Variants in RBFOX1 observed in about 807,000 individuals in gnomAD.
RBFOX1 encodes the protein RNA binding fox-1 homolog 1, also known as RNA binding protein fox-1 homolog 1.
A neutral mutation model predicts 57.7 loss-of-function variants in RBFOX1; 8 were observed. The observed-to-expected ratio is 0.14, with a 90% CI of 0.08 to 0.25. The LOEUF is 0.25. RBFOX1 is among the 10% of genes least tolerant of loss of function. The pLI, the probability that RBFOX1 is intolerant of heterozygous loss-of-function variation, is 1.00. For synonymous variants in RBFOX1, 326 were observed against 222.4 expected (o/e 1.47, Z -4.15); for missense variants, 611 against 548.5 (o/e 1.11, Z -1.14).
At chr16:5,249,499 T>A (rs2062391356) in intron 1 of RBFOX1, among the ~76,000 whole-genome samples, 1 of 152,252 alleles carries the variant, frequency 6.6e-6, no homozygotes, top group Non-Finnish European at 1.5e-5. Context: ...GTTTTTCTTT[T>A]CTGACTCTGT....
At chr16:6,210,337 CAAAA>C (rs1443054145) in intron 1 of RBFOX1, among the ~76,000 whole-genome samples, 32 of 9,330 alleles carry the variant, frequency 3.4e-3, no homozygotes, top group African/African-American at 7.6e-3. Context: ...AACAAAAAAA[CAAAA>C]AAACAAAAAA....
At chr16:5,978,128 CAAAAAAAAAAAAAAAAAAAA>C (rs140908065) in intron 4 of RBFOX1, among the ~76,000 whole-genome samples, 5 of 31,516 alleles carry the variant, frequency 1.6e-4, no homozygotes, top group Admixed American at 6.1e-4. Flanking sequence ...CTGTCTCTTC[CAAAAAAAAAAAAAAAAAAAA>C]AAAAAAAAAA....
intron 3 of RBFOX1, among the ~76,000 whole-genome samples, chr16:6,725,120 G>A (rs1013017833): frequency 1.1e-4 from 16 of 143,392 alleles, no homozygotes; most frequent in African/African-American, 3.7e-4. Flanking sequence ...GTGCGATCTC[G>A]GCTCACTGCA....
chr16:5,433,365 T>G (rs2067812443), intron 1 of RBFOX1, among the ~76,000 whole-genome samples: 1 of 152,160 alleles, frequency 6.6e-6, no homozygotes, highest in African/African-American at 2.4e-5. Flanking sequence ...CGCTCCTGGC[T>G]GGGGGTGAGA....
intron 1 of RBFOX1, among the ~76,000 whole-genome samples, chr16:6,077,695 T>TATTTATTTATTTATTC (rs1567400275): frequency 6.6e-6 from 1 of 151,370 alleles, no homozygotes; most frequent in South Asian, 2.1e-4. Context: ...TTTACTTATT[T>TATTTATTTATTTATTC]ATTTATTTAT....
At chr16:7,335,655 A>G (rs1406582865) in intron 4 of RBFOX1, among the ~76,000 whole-genome samples, 1 of 151,638 alleles carries the variant, frequency 6.6e-6, no homozygotes. Flanking sequence ...TTAAGACGGC[A>G]TCCACCTAAT....
chr16:6,361,805 C>T (rs1168888936), intron 2 of RBFOX1, among the ~76,000 whole-genome samples: 1 of 152,040 alleles, frequency 6.6e-6, no homozygotes, highest in Non-Finnish European at 1.5e-5. Context: ...TATCCACAGC[C>T]AAAATTGAGA....
chr16:6,273,474 A>T (rs1219521378), intron 1 of RBFOX1, among the ~76,000 whole-genome samples: 3 of 148,686 alleles, frequency 2.0e-5, no homozygotes, highest in African/African-American at 7.4e-5. Context: ...CCTCCTGAGT[A>T]GCTGGGATTA....
intron 3 of RBFOX1, among the ~76,000 whole-genome samples, chr16:6,691,555 C>T (rs773812012): frequency 2.6e-5 from 4 of 152,108 alleles, no homozygotes; most frequent in Non-Finnish European, 4.4e-5. Flanking sequence ...ACATTACACG[C>T]GTTATATGTA....
intron 1 of RBFOX1, among the ~76,000 whole-genome samples, chr16:6,023,045 T>G (rs2095114920): frequency 6.6e-6 from 1 of 152,132 alleles, no homozygotes; most frequent in African/African-American, 2.4e-5. Flanking sequence ...GGCCAGGGTC[T>G]CAGGGGCCAG....
chr16:7,691,247 T>TAAGCC (rs2077252061), intron 14 of RBFOX1, among the ~76,000 whole-genome samples: 2 of 152,068 alleles, frequency 1.3e-5, no homozygotes, highest in South Asian at 4.1e-4. Context: ...AGAAGTAATC[T>TAAGCC]AAGCCAACTC....
intron 4 of RBFOX1, among the ~76,000 whole-genome samples, chr16:7,199,174 T>C (rs2087605606): frequency 1.3e-5 from 2 of 152,192 alleles, no homozygotes; most frequent in Admixed American, 6.5e-5. Context: ...TGGATTTTTA[T>C]GGCAATGCAT....
chr16:6,536,780 A>T (rs1436987441), intron 2 of RBFOX1, among the ~76,000 whole-genome samples: 1 of 152,148 alleles, frequency 6.6e-6, no homozygotes, highest in Non-Finnish European at 1.5e-5. Context: ...ACAATACAAG[A>T]AGTTAGTAAC....
At chr16:5,796,396 G>T (rs938838995) in intron 3 of RBFOX1, among the ~76,000 whole-genome samples, 2 of 152,198 alleles carry the variant, frequency 1.3e-5, no homozygotes, top group Non-Finnish European at 2.9e-5. Context: ...TATCCACAGT[G>T]ATCAAGTATC....
intron 3 of RBFOX1, among the ~76,000 whole-genome samples, chr16:5,717,828 A>G (rs1376386127): frequency 6.6e-6 from 1 of 152,190 alleles, no homozygotes; most frequent in Non-Finnish European, 1.5e-5. Flanking sequence ...CCTCACAACC[A>G]CTATGTCAGA....
intron 10 of RBFOX1, among the ~76,000 whole-genome samples, chr16:7,628,974 A>C (rs2060503981): frequency 2.0e-5 from 3 of 152,288 alleles, no homozygotes; most frequent in African/African-American, 7.2e-5. Context: ...AATCATACTG[A>C]CACTCCGCCA....
Position 5,754,086 on chromosome 16 carries a change from G to C in RBFOX1, c.319-113217G>C, listed in dbSNP as rs564079080. On this transcript the variant is annotated intron_variant, in intron 3 of 19. Coordinates refer to the RBFOX1 transcript ENST00000641259. ...TGCAAAACTACCTGCATGACACTTT[G>C]TGGGAATATTAGGGGCTTTTGAGGG... Among the ~76,000 whole-genome samples, 6 of 152,274 alleles carry C rather than the reference G, an allele frequency of 3.9e-5. No homozygotes were observed. The East Asian group carries it at 1.2e-3, about 29-fold the overall frequency.
chr16:6,867,320 G>T (rs571965889), intron 3 of RBFOX1, among the ~76,000 whole-genome samples: 1 of 152,104 alleles, frequency 6.6e-6, no homozygotes, highest in South Asian at 2.1e-4. Context: ...TATTGGCTCT[G>T]ATGATGGTTT....
chr16:6,523,913 G>T (rs1008695587), intron 2 of RBFOX1, among the ~76,000 whole-genome samples: 1 of 152,138 alleles, frequency 6.6e-6, no homozygotes, highest in Non-Finnish European at 1.5e-5. Context: ...TGGGATGCAT[G>T]AGACATTTTG....
Sources: gnomAD v4.1 joint callset for allele counts (sites outside exome capture counted in the v4.1 genomes callset) on GRCh38, gnomAD v4.1.1 for gene constraint, MANE v1.5 for transcripts, NCBI Gene and HGNC (gene_info 2026-07-23, HGNC 2026-07-21) for gene names.